UNG: variants seen among roughly 807,000 people sequenced by gnomAD.
The protein encoded by UNG is uracil-DNA glycosylase.
UNG carries 34 observed loss-of-function variants against 36.5 expected under a neutral mutation model. That is an observed-to-expected ratio of 0.93 (90% confidence interval 0.71 to 1.24). UNG has a LOEUF of 1.24. Among genes scored for constraint, UNG ranks in the 50% most tolerant of loss-of-function variants. The pLI is 0.00. For missense variants in UNG, 391 were observed against 397.6 expected (o/e 0.98, Z 0.14); for synonymous variants, 172 against 157.8 (o/e 1.09, Z -0.67).
intron 6 of UNG, 132 bp from the exon 7 acceptor site, chr12:109,109,697 C>T (rs1344560825): frequency 2.6e-5 from 29 of 1,099,836 alleles, no homozygotes; most frequent in East Asian, 8.0e-5. Context: ...GCAGGAGAAT[C>T]GCTTGAACCC....
intron 6 of UNG, 98 bp from the exon 7 acceptor site, chr12:109,109,731 C>T (rs1180866469): frequency 7.5e-6 from 11 of 1,471,268 alleles, no homozygotes; most frequent in African/African-American, 4.5e-5. Flanking sequence ...TGCAGTGAGT[C>T]GAGATCACGC....
chr12:109,101,961 C>T lies in UNG; in HGVS notation c.495C>T (p.Leu165=), dbSNP rs2042181358. The T allele has an allele frequency of 1.9e-6, 3 of 1,613,994 alleles. No homozygotes were observed. The highest frequency in any genetic ancestry group is 2.5e-6 in the Non-Finnish European group (3 of 1,180,020). Residue 165 remains leucine, a synonymous_variant, in exon 4 of 7, where the codon CTC becomes CTT. Transcript: ENST00000242576. ...ATGGACCTAATCAAGCTCACGGGCT[C>T]TGCTTTAGTGTTCAAAGGCCTGTTC... is the stretch of plus-strand genomic sequence containing the variant. ...PYHGPNQAHG[L]CFSVQRPVPP...
chr12:109,098,380 T>G (rs767886842), intron 1 of UNG, 52 bp from the exon 2 acceptor site: 1 of 1,601,942 alleles, frequency 6.2e-7, no homozygotes, highest in South Asian at 1.1e-5. Context: ...TGCGGACGCC[T>G]GGGAAGGGGC....
At chr12:109,104,364 T>G (rs1463256433) in intron 6 of UNG, among the ~76,000 whole-genome samples, 1 of 152,012 alleles carries the variant, frequency 6.6e-6, no homozygotes, top group African/African-American at 2.4e-5. Flanking sequence ...TGATCATTAT[T>G]AACCCCAAGG....
rs80230096 is a variant in UNG at position 109,099,120 on chromosome 12, G to C, written c.340-69G>C. On this transcript the variant is annotated intron_variant, in intron 2 of 6. Transcript: ENST00000242576. ...ATGTTCCAAATAACTTGCACTAGAA[G>C]CTTTCTTATTGAATTCTTATGGTTT... 1,184 of 1,419,674 alleles carry C rather than the reference G, an allele frequency of 8.3e-4. 10 individuals carry two copies. In the African/African-American group the frequency reaches 0.012, roughly 14 times the overall value. The allele number at this position is 1,419,674 out of a possible 1,614,324, so 87.9% of individuals were successfully genotyped here.
chr12:109,098,226 A>C, intron 1 of UNG: 2 of 1,477,966 alleles, frequency 1.4e-6, no homozygotes, highest in South Asian at 2.8e-5. Context: ...GGCGCCTCCC[A>C]GCCCGTCTCC....
rs767086661 is a variant in UNG at position 109,103,633 on chromosome 12, T to C, written c.801+22T>C. 2.7e-5 allele frequency: 36 copies of C among 1,332,246 alleles called. No homozygotes were observed. In the South Asian group the frequency reaches 4.7e-4, roughly 17 times the overall value. The allele number at this position is 1,332,246 out of a possible 1,614,324, so 82.5% of individuals were successfully genotyped here. On this transcript the variant is annotated intron_variant, in intron 6 of 6. Coordinates refer to ENST00000242576, the MANE Select transcript of UNG (RefSeq NM_080911.3). ...TAGGGTATGTTTTGTTTTCTTTCTT[T>C]TTTTTCTTTTTTTTTTAACACTATA...
Position 109,110,037 on chromosome 12 carries a change from A to C in UNG, c.*68A>C, listed in dbSNP as rs2042249620. On this transcript the variant is annotated 3_prime_UTR_variant, in exon 7 of 7. Coordinates refer to ENST00000242576, the MANE Select transcript of UNG (RefSeq NM_080911.3). ...ATTTGCCAGTTACGAAGTTCCACTG[A>C]AAATTTTCCTATTAATTCTTAAGTA... 5 of 1,609,166 alleles carry C rather than the reference A, an allele frequency of 3.1e-6. No homozygotes were observed. In the Admixed American group the frequency reaches 8.4e-5, roughly 27 times the overall value.
intron 1 of UNG, 197 bp from the exon 2 acceptor site, chr12:109,098,235 C>T (rs375562618): frequency 6.7e-7 from 1 of 1,488,540 alleles, no homozygotes; most frequent in East Asian, 2.3e-5. Flanking sequence ...CAGCCCGTCT[C>T]CCCGCTCCAG....
At chr12:109,101,077 CAT>C (rs1352068993) in intron 3 of UNG, among the ~76,000 whole-genome samples, 2 of 146,840 alleles carry the variant, frequency 1.4e-5, no homozygotes, top group African/African-American at 2.5e-5. Context: ...CAGACACCCT[CAT>C]ATGCTGCTGG....
In UNG at chr12:109,102,947, ATTTTTT is replaced by A. The variant is rs386377711; in HGVS notation, c.622+37_622+42del. On this transcript the variant is annotated intron_variant, in intron 5 of 6. Transcript: ENST00000242576. ...AGCAAGGTAAGCCAGCGACTGCTAG[ATTTTTT>A]TTTTTTTTTTTTTTTTGAGACCGAG... 104 of 970,536 alleles carry A rather than the reference ATTTTTT, an allele frequency of 1.1e-4. No individual in the cohort carries two copies. The highest frequency in any genetic ancestry group is 3.2e-4 in the Middle Eastern group (1 of 3,100). 60.1% of individuals were successfully genotyped at this position (970,536 alleles called of 1,614,324 possible). A position where few individuals can be genotyped will look rare whatever the true frequency, so the allele number is the denominator to read the frequency against.
intron 6 of UNG, 72 bp from the exon 7 acceptor site, chr12:109,109,757 C>G (rs1457545030): frequency 2.3e-6 from 3 of 1,317,686 alleles, no homozygotes; most frequent in Non-Finnish European, 3.1e-6. Flanking sequence ...CAGCAAGACT[C>G]TGTCTCAAAA....
chr12:109,103,039 C>G, intron 5 of UNG, 112 bp downstream of exon 5: 1 of 817,504 alleles, frequency 1.2e-6, no homozygotes, highest in Non-Finnish European at 2.0e-6. Context: ...GCAACCTCTG[C>G]CTCCCAGGTT....
Position 109,107,383 on chromosome 12 carries a change from T to C in UNG, c.802-2446T>C, listed in dbSNP as rs559083542. On this transcript the variant is annotated intron_variant, in intron 6 of 6. Coordinates refer to ENST00000242576, the MANE Select transcript of UNG (RefSeq NM_080911.3). ...ACCTGGCTAATTTTTGTATTTTTTT[T>C]TGTGGAGACAGGGTTTCACCACGTT... Among the ~76,000 whole-genome samples the C allele has an allele frequency of 5.2e-3, 796 of 152,134 alleles. 3 individuals are homozygous for C. Among genetic ancestry groups the C allele is most frequent in the Admixed American group, 0.013 (192 of 15,292 alleles).
chr12:109,108,323 TTTTC>T (rs1462234879), intron 6 of UNG, among the ~76,000 whole-genome samples: 5 of 152,194 alleles, frequency 3.3e-5, no homozygotes, highest in Non-Finnish European at 4.4e-5. Context: ...CGTTGTTTTT[TTTTC>T]TTTCTTTAAG....
chr12:109,106,934 T>TATATATATATGTGTATATATATATAA (rs1566123324), intron 6 of UNG, among the ~76,000 whole-genome samples: 677 of 39,724 alleles, frequency 0.017, 10 homozygotes, highest in East Asian at 0.051. Context: ...TATATATATA[T>TATATATATATGTGTATATATATATAA]AAAAAATATT....
At chr12:109,098,005 A>G (rs2042144542) in intron 1 of UNG, 194 bp downstream of exon 1, 1 of 1,253,058 alleles carries the variant, frequency 8.0e-7, no homozygotes, top group Middle Eastern at 2.9e-4. Flanking sequence ...GCCAATGGGA[A>G]CGCGTCTCGG....
chr12:109,104,697 A>T (rs117999862), intron 6 of UNG, among the ~76,000 whole-genome samples: 175 of 152,060 alleles, frequency 1.2e-3, no homozygotes, highest in Non-Finnish European at 2.3e-3. Flanking sequence ...GGAGGGAGAG[A>T]TAGGGGGTGG....
chr12:109,098,133 G>T (rs1304913384), intron 1 of UNG: 17 of 1,384,832 alleles, frequency 1.2e-5, no homozygotes, highest in South Asian at 1.8e-5. Context: ...ACCACGTGGG[G>T]ACGCGGTGGG....
Sources: gnomAD v4.1 joint callset for allele counts (sites outside exome capture counted in the v4.1 genomes callset) on GRCh38, gnomAD v4.1.1 for gene constraint, MANE v1.5 for transcripts, NCBI Gene and HGNC (gene_info 2026-07-23, HGNC 2026-07-21) for gene names.